The following CDK17 variants were observed in gnomAD, a reference collection of about 807,000 sequenced individuals.
CDK17 encodes the protein cyclin dependent kinase 17, also known as cyclin-dependent kinase 17.
Under a neutral mutation model 77.6 loss-of-function variants are expected in CDK17, and 24 were observed. That is an observed-to-expected ratio of 0.31 (90% CI 0.22 to 0.44). CDK17 has a LOEUF of 0.44. Among genes scored for constraint, CDK17 ranks in the 20% least tolerant of loss-of-function variants. The probability of loss-of-function intolerance (pLI) is 1.00; values close to 1 mark genes in which losing one functional copy is unlikely to be tolerated. For synonymous variants in CDK17, 203 were observed against 210.4 expected, an observed-to-expected ratio of 0.96 and a Z score of 0.30; for missense variants, 429 against 622.5, an observed-to-expected ratio of 0.69 and a Z score of 3.31.
chr12:96,323,871 G>C, intron 3 of CDK17, 77 bp downstream of exon 3: 1 of 1,004,422 alleles, frequency 1.0e-6, no homozygotes, highest in Non-Finnish European at 1.4e-6. Context: ...GATAATAAAA[G>C]TTGCTTAATT....
chr12:96,345,945 T>C (rs1214815780), intron 1 of CDK17, among the ~76,000 whole-genome samples: 1 of 152,236 alleles, frequency 6.6e-6, no homozygotes, highest in Non-Finnish European at 1.5e-5. Context: ...CTTATCAGTA[T>C]TTTAAATGTA....
rs1201131473 is a variant in CDK17 at position 96,286,553 on chromosome 12, G to C, written c.1216+111C>G. The C allele has an allele frequency of 1.0e-5, 7 of 694,814 alleles. No homozygotes were observed. The African/African-American group carries it at 1.3e-4, about 13-fold the overall frequency. The allele number at this position is 694,814 out of a possible 1,614,324, so 43.0% of individuals were successfully genotyped here. On this transcript the variant is annotated intron_variant, in intron 12 of 16. Coordinates refer to ENST00000261211, the MANE Select transcript of CDK17 (RefSeq NM_002595.5). ...ATTCTAATTATTCTAACTAACAGCT[G>C]TTTATGTTAGTCTCAGTATCTAATT...
chr12:96,379,521 T>A (rs1953841946), intron 1 of CDK17, among the ~76,000 whole-genome samples: 2 of 152,020 alleles, frequency 1.3e-5, no homozygotes, highest in African/African-American at 4.8e-5. Flanking sequence ...TTCCTGGGAT[T>A]AAGCAATCCT....
rs1565802024 is a variant in CDK17 at position 96,283,735 on chromosome 12, C to T, written c.1323-90G>A. 4.8e-6 allele frequency: 4 copies of T among 839,628 alleles called. No individual in the cohort carries two copies. In the East Asian group the frequency reaches 1.0e-4, roughly 21 times the overall value. The allele number at this position is 839,628 out of a possible 1,614,324, so 52.0% of individuals were successfully genotyped here. A position where few individuals can be genotyped will look rare whatever the true frequency, so the allele number is the denominator to read the frequency against. ...ACTATTTTCTAAGTGTTTTAATCTGCTAAATTTAAATGCCCTAAAATAGTC... is the reference window on the plus strand; with the variant it reads ...ACTATTTTCTAAGTGTTTTAATCTGTTAAATTTAAATGCCCTAAAATAGTC... On this transcript the variant is annotated intron_variant, in intron 13 of 16. Coordinates refer to ENST00000261211, the MANE Select transcript of CDK17 (RefSeq NM_002595.5).
intron 14 of CDK17, 54 bp downstream of exon 14, chr12:96,283,549 G>T: frequency 9.4e-7 from 1 of 1,064,182 alleles, no homozygotes; most frequent in South Asian, 1.3e-5. Flanking sequence ...TTCTACACAT[G>T]AAGAAGCTGA....
At chr12:96,381,492 A>T (rs1376084528) in intron 1 of CDK17, among the ~76,000 whole-genome samples, 1 of 152,118 alleles carries the variant, frequency 6.6e-6, no homozygotes, top group Non-Finnish European at 1.5e-5. Context: ...ATTTTATAGC[A>T]GGGAGACCAG....
chr12:96,336,685 G>A (rs1284348185), intron 1 of CDK17, among the ~76,000 whole-genome samples: 1 of 152,010 alleles, frequency 6.6e-6, no homozygotes, highest in East Asian at 1.9e-4. Flanking sequence ...TTCTACTAAC[G>A]TATCCTCCAG....
intron 1 of CDK17, among the ~76,000 whole-genome samples, chr12:96,349,473 T>C (rs919952029): frequency 4.9e-5 from 7 of 142,570 alleles, no homozygotes; most frequent in Admixed American, 2.1e-4. Context: ...GAAAATCAAC[T>C]AATGTAATAC....
At chr12:96,356,198 GTT>G (rs1205106453) in intron 1 of CDK17, among the ~76,000 whole-genome samples, 1 of 152,118 alleles carries the variant, frequency 6.6e-6, no homozygotes, top group Non-Finnish European at 1.5e-5. Context: ...AACGATGAAT[GTT>G]TTCATAATTA....
In CDK17 at chr12:96,300,374, A is replaced by G. The variant is rs781366193; in HGVS notation, c.544-14T>C. The G allele has an allele frequency of 6.6e-7, 1 of 1,513,268 alleles. No homozygotes were observed. The highest frequency in any genetic ancestry group is 1.9e-5 in the Admixed American group (1 of 53,554). 93.7% of individuals were successfully genotyped at this position (1,513,268 alleles called of 1,614,324 possible). On this transcript the variant is annotated splice_polypyrimidine_tract_variant and intron_variant, in intron 5 of 16. Transcript: ENST00000261211. The stretch of plus-strand genomic sequence containing the variant: ...GCCAATTTCTGACTGAAAAGTAAAC[A>G]ATGAAAAATGTAGTATTTACTTTTT...
At chr12:96,387,831 T>A (rs1055297367) in intron 1 of CDK17, among the ~76,000 whole-genome samples, 1 of 151,766 alleles carries the variant, frequency 6.6e-6, no homozygotes, top group African/African-American at 2.4e-5. Flanking sequence ...TGGTCCCAGC[T>A]GCTCAGGAAG....
At chr12:96,359,486 G>A (rs1953460810) in intron 1 of CDK17, among the ~76,000 whole-genome samples, 1 of 152,176 alleles carries the variant, frequency 6.6e-6, no homozygotes, top group Non-Finnish European at 1.5e-5. Context: ...GCAAAGTACT[G>A]TCTATACAAA....
At chr12:96,374,343 A>C (rs768814101) in intron 1 of CDK17, among the ~76,000 whole-genome samples, 1 of 152,214 alleles carries the variant, frequency 6.6e-6, no homozygotes, top group Non-Finnish European at 1.5e-5. Flanking sequence ...AAAATTGTTA[A>C]GTAAAAATTA....
intron 11 of CDK17, among the ~76,000 whole-genome samples, chr12:96,288,826 T>C (rs1194013915): frequency 6.6e-6 from 1 of 152,226 alleles, no homozygotes; most frequent in Non-Finnish European, 1.5e-5. Flanking sequence ...ATGTATCAGA[T>C]ACTCTTGAGT....
intron 1 of CDK17, among the ~76,000 whole-genome samples, chr12:96,378,361 T>C (rs963465209): frequency 3.9e-5 from 6 of 152,250 alleles, no homozygotes; most frequent in South Asian, 4.1e-4. Flanking sequence ...ACTCTTTCAG[T>C]TGGCTGTGTC....
At chr12:96,326,308 C>G (rs1952890887) in intron 2 of CDK17, among the ~76,000 whole-genome samples, 1 of 152,094 alleles carries the variant, frequency 6.6e-6, no homozygotes, top group Non-Finnish European at 1.5e-5. Context: ...TGCATAAAAC[C>G]TAACAGGGAA....
chr12:96,344,749 A>G (rs1248355638), intron 1 of CDK17, among the ~76,000 whole-genome samples: 1 of 152,194 alleles, frequency 6.6e-6, no homozygotes, highest in Non-Finnish European at 1.5e-5. Flanking sequence ...GTAATTACAC[A>G]GGTAATTATA....
intron 1 of CDK17, among the ~76,000 whole-genome samples, chr12:96,390,752 A>G (rs1248836470): frequency 6.6e-6 from 1 of 150,860 alleles, no homozygotes; most frequent in African/African-American, 2.4e-5. Context: ...AAGAAAAAAA[A>G]TCCTTCAAGT....
At chr12:96,328,126 C>T (rs1295704474) in intron 2 of CDK17, among the ~76,000 whole-genome samples, 1 of 152,078 alleles carries the variant, frequency 6.6e-6, no homozygotes, top group Non-Finnish European at 1.5e-5. Context: ...CACTGATTCT[C>T]ATAGGAGTAC....
Sources: gnomAD v4.1 joint callset for allele counts (sites outside exome capture counted in the v4.1 genomes callset) on GRCh38, gnomAD v4.1.1 for gene constraint, MANE v1.5 for transcripts, NCBI Gene and HGNC (gene_info 2026-07-23, HGNC 2026-07-21) for gene names.